TTF2: variants seen among roughly 807,000 people sequenced by gnomAD.
TTF2 encodes the protein transcription termination factor 2.
A neutral mutation model predicts 142.4 loss-of-function variants in TTF2; 108 were observed. The observed-to-expected ratio is 0.76, with a 90% CI of 0.65 to 0.89. The LOEUF (loss-of-function observed/expected upper bound fraction) is 0.89. Among genes scored for constraint, TTF2 ranks in the 40% least tolerant of loss-of-function variants. TTF2 has a pLI of 0.00. For missense variants in TTF2, 1,327 were observed against 1,379.8 expected (o/e 0.96, Z 0.61); for synonymous variants, 483 against 506.2 (o/e 0.95, Z 0.61).
chr1:117,081,799 ACT>A (rs545982621), intron 9 of TTF2, 27 bp from the exon 10 acceptor site: 2 of 1,607,042 alleles, frequency 1.2e-6, no homozygotes, highest in Non-Finnish European at 1.7e-6. Flanking sequence ...TAAGCAATTA[ACT>A]CTCTTAATTT....
rs559163168 is a variant in TTF2 at position 117,066,189 on chromosome 1, G to A, written c.218+3716G>A. On this transcript the variant is annotated intron_variant, in intron 3 of 22. Transcript: ENST00000369466. ...TTTGTTGTGATAGATTTCAATATCC[G>A]TGTTTACCAGAAAGATGGAGAAACT... is the stretch of plus-strand genomic sequence containing the variant. Among the ~76,000 whole-genome samples the A allele has an allele frequency of 2.0e-5, 3 of 151,868 alleles. No individual in the cohort carries two copies. In the East Asian group the frequency reaches 5.8e-4, roughly 29 times the overall value.
rs750527364 is a variant in TTF2, at chr1:117,090,071, C to T, written c.2359C>T (p.Pro787Ser). 84 of 1,613,604 alleles carry T rather than the reference C, an allele frequency of 5.2e-5. No individual in the cohort carries two copies. The highest frequency in any genetic ancestry group is 6.4e-5 in the Non-Finnish European group (75 of 1,179,774). Residue 787 changes from proline to serine, a missense_variant, in exon 14 of 23, where the codon CCA becomes TCA. Physicochemically the swap from Pro to Ser is moderately conservative, Grantham distance 74. Coordinates refer to ENST00000369466, the MANE Select transcript of TTF2 (RefSeq NM_003594.4). The surrounding 1 kb of genome is among the most constrained non-coding windows in gnomAD (Gnocchi z 4.8). ...ACAAAAAAGGTTTCTCCGTTGCTCT[C>T]CATTTGATGAGTTCAATCTGTGGAG... ...YSLLKFLRCS[P>S]FDEFNLWRSQ... is the part of the protein sequence containing the mutation.
rs200698713 is a variant in TTF2 at position 117,088,828 on chromosome 1, G to T, written c.2188G>T (p.Ala730Ser). ...EGTSTPLLRI[A>S]WARIILDEAH... ...CACCTCAACACCTTTGCTTCGAATAGCCTGGGCTCGAATCATATTGGATGA... is the reference window on the plus strand; with the variant it reads ...CACCTCAACACCTTTGCTTCGAATATCCTGGGCTCGAATCATATTGGATGA... Residue 730 changes from alanine (A) to serine (S), a missense_variant, in exon 13 of 23, where the codon GCC becomes TCC. Physicochemically the swap from Ala to Ser is moderately conservative, Grantham distance 99. Coordinates refer to ENST00000369466, the MANE Select transcript of TTF2 (RefSeq NM_003594.4). 77 of 1,613,892 alleles carry T rather than the reference G, an allele frequency of 4.8e-5. No individual in the cohort carries two copies. The highest frequency in any genetic ancestry group is 6.2e-5 in the Non-Finnish European group (73 of 1,179,924).
intron 2 of TTF2, among the ~76,000 whole-genome samples, chr1:117,061,930 G>T (rs1187597758): frequency 3.3e-5 from 5 of 152,166 alleles, no homozygotes; most frequent in Admixed American, 6.5e-5. Flanking sequence ...TAATAAGTTG[G>T]AAGGGAGTGA....
intron 11 of TTF2, 138 bp downstream of exon 11, chr1:117,084,306 C>T: frequency 9.2e-7 from 1 of 1,083,986 alleles, no homozygotes; most frequent in East Asian, 2.6e-5. Context: ...TTAGTCTCGT[C>T]ACCATACAGC....
In TTF2 at chr1:117,080,027, G is replaced by A. The variant is rs1187443947; in HGVS notation, c.1783+378G>A. 1.2e-5 allele frequency among the ~76,000 whole-genome samples: 1 copy of A among 83,112 alleles called. No homozygotes were observed. Among genetic ancestry groups the A allele is most frequent in the Non-Finnish European group, 2.4e-5 (1 of 41,868 alleles). 54.5% of individuals were successfully genotyped at this position (83,112 alleles called of 152,430 possible). A position where few individuals can be genotyped will look rare whatever the true frequency, so the allele number is the denominator to read the frequency against. On this transcript the variant is annotated intron_variant, in intron 9 of 22. Transcript: ENST00000369466. The surrounding 1 kb of genome is among the most constrained non-coding windows in gnomAD (Gnocchi z 4.3). ...CTCCCTCTTTTTTTTTTTTTTTTTT[G>A]AGATGGAGTTTCGCTCTTGTCACCC...
In TTF2 at chr1:117,075,451, G is replaced by A. The variant is rs746563338; in HGVS notation, c.867G>A (p.Glu289=). The A allele has an allele frequency of 6.2e-7, 1 of 1,614,140 alleles. No homozygotes were observed. Among genetic ancestry groups the A allele is most frequent in the Non-Finnish European group, 8.5e-7 (1 of 1,180,004 alleles). ...GPLNKEYTNW[E]AKETKAKDGP... is the part of the protein sequence containing the mutation. ...TCAACAAGGAGTACACGAACTGGGA[G>A]GCTAAAGAAACAAAGGCAAAGGATG... The change falls in exon 5 of 23, where the codon GAG becomes GAA. Residue 289 remains glutamate (E), a synonymous_variant. Coordinates refer to ENST00000369466, the MANE Select transcript of TTF2 (RefSeq NM_003594.4). The surrounding 1 kb of genome is among the most constrained non-coding windows in gnomAD (Gnocchi z 4.5).
In TTF2 at chr1:117,088,890, C is replaced by G. The variant is rs1471083309; in HGVS notation, c.2250C>G (p.Ser750=). The part of the protein sequence containing the change: ...HNVKNPRVQT[S]IAVCKLQACA... ...TTAAGAATCCCCGAGTGCAGACTTC[C>G]ATAGCTGTGTGTAAGCTACAAGCCT... The change falls in exon 13 of 23, where the codon TCC becomes TCG. Residue 750 remains serine, a synonymous_variant. Transcript: ENST00000369466. 6.2e-7 allele frequency: 1 copy of G among 1,614,196 alleles called. No homozygotes were observed. Among genetic ancestry groups the G allele is most frequent in the Non-Finnish European group, 8.5e-7 (1 of 1,180,016 alleles).
rs533228845 is a variant in TTF2 at position 117,084,261 on chromosome 1, C to G, written c.2054+93C>G. On this transcript the variant is annotated intron_variant, in intron 11 of 22. Coordinates refer to ENST00000369466, the MANE Select transcript of TTF2 (RefSeq NM_003594.4). ...TCCCATCCCTGAGATTTCACTTAATCAGGACGCGTATTTGTGAAAGCCAAA... is the reference window on the plus strand; with the variant it reads ...TCCCATCCCTGAGATTTCACTTAATGAGGACGCGTATTTGTGAAAGCCAAA... 3.3e-6 allele frequency: 5 copies of G among 1,501,898 alleles called. No homozygotes were observed. In the South Asian group the frequency reaches 6.0e-5, roughly 18 times the overall value. 93.0% of individuals were successfully genotyped at this position (1,501,898 alleles called of 1,614,324 possible). A position where few individuals can be genotyped will look rare whatever the true frequency, so the allele number is the denominator to read the frequency against.
At position 117,065,003 on chromosome 1, in the gene TTF2, C is replaced by T. The variant is rs545070479; in HGVS notation, c.218+2530C>T. ...TTCCTTTTCCCATTGAAATGCTTGG[C>T]GTCTTTGTAAAAATTCAATTGATCC... On this transcript the variant is annotated intron_variant, in intron 3 of 22. Coordinates refer to ENST00000369466, the MANE Select transcript of TTF2 (RefSeq NM_003594.4). Among the ~76,000 whole-genome samples, 9 of 152,176 alleles carry T rather than the reference C, an allele frequency of 5.9e-5. No homozygotes were observed. The East Asian group carries it at 1.5e-3, about 26-fold the overall frequency.
rs1649810342 is a variant in TTF2 at position 117,104,506 on chromosome 1, A to G, written c.*2982A>G. 2 of 152,210 alleles carry G rather than the reference A, an allele frequency of 1.3e-5. No individual in the cohort carries two copies. Among genetic ancestry groups the G allele is most frequent in the African/African-American group, 4.8e-5 (2 of 41,438 alleles). 9.4% of individuals were successfully genotyped at this position (152,210 alleles called of 1,614,324 possible). A position where few individuals can be genotyped will look rare whatever the true frequency, so the allele number is the denominator to read the frequency against. ...AAATCTTCAGATATTGAGGCCATTG[A>G]CAAGTAATCTACTGTAAGGTAGATG... On this transcript the variant is annotated 3_prime_UTR_variant, in exon 23 of 23. Coordinates refer to ENST00000369466, the MANE Select transcript of TTF2 (RefSeq NM_003594.4).
rs1648064491 is a variant in TTF2, at chr1:117,086,888, A to G, written c.2160+366A>G. Among the ~76,000 whole-genome samples the G allele has an allele frequency of 6.6e-6, 1 of 151,694 alleles. No individual in the cohort carries two copies. The highest frequency in any genetic ancestry group is 2.4e-5 in the African/African-American group (1 of 41,242). On this transcript the variant is annotated intron_variant, in intron 12 of 22. Coordinates refer to ENST00000369466, the MANE Select transcript of TTF2 (RefSeq NM_003594.4). This position sits in a 1 kb window ranked among gnomAD's most constrained non-coding sequence, Gnocchi z 4.2. ...TTTAATATTTATTGTGCAGACTAGT[A>G]TTTTACTACTAGTATTTTGATTTTA...
In TTF2 at chr1:117,100,029, G is replaced by A. The variant is rs941249142; in HGVS notation, c.3344+1122G>A. The stretch of plus-strand genomic sequence containing the variant: ...CAGTCCCTGCTAAATATCTGAATCC[G>A]AGTGTCCACATACTCATCTGTTATT... On this transcript the variant is annotated intron_variant, in intron 22 of 22. Transcript: ENST00000369466. This position sits in a 1 kb window ranked among gnomAD's most constrained non-coding sequence, Gnocchi z 4.6. Among the ~76,000 whole-genome samples the A allele has an allele frequency of 6.6e-6, 1 of 152,174 alleles. No individual in the cohort carries two copies. Among genetic ancestry groups the A allele is most frequent in the African/African-American group, 2.4e-5 (1 of 41,440 alleles).
chr1:117,066,062 C>T (rs984134167), intron 3 of TTF2, among the ~76,000 whole-genome samples: 1 of 134,802 alleles, frequency 7.4e-6, no homozygotes, highest in African/African-American at 3.0e-5. Context: ...GTCTCAATCT[C>T]CTGGGCTCAA....
At position 117,097,689 on chromosome 1, in the gene TTF2, C is replaced by T. The variant is rs546835213; in HGVS notation, c.3269+256C>T. 6.6e-6 allele frequency among the ~76,000 whole-genome samples: 1 copy of T among 152,324 alleles called. No individual in the cohort carries two copies. Among genetic ancestry groups the T allele is most frequent in the African/African-American group, 2.4e-5 (1 of 41,574 alleles). ...GTTATTGTTAGTCTAACATCTGTTT[C>T]CATGGAAACGGGGAGCATAGCTTTT... On this transcript the variant is annotated intron_variant, in intron 21 of 22. Transcript: ENST00000369466. This position sits in a 1 kb window ranked among gnomAD's most constrained non-coding sequence, Gnocchi z 4.1.
At chr1:117,068,406 A>G (rs1177422977) in intron 3 of TTF2, among the ~76,000 whole-genome samples, 2 of 151,736 alleles carry the variant, frequency 1.3e-5, no homozygotes, top group Non-Finnish European at 2.9e-5. Flanking sequence ...GGGTTGGGGG[A>G]GAGGGGAGGG....
At chr1:117,081,994 G>A (rs772740473) in intron 10 of TTF2, 47 bp downstream of exon 10, 42 of 1,612,904 alleles carry the variant, frequency 2.6e-5, no homozygotes, top group South Asian at 3.3e-5. Context: ...CGTCATTTGA[G>A]CCACCCAAGA....
Position 117,087,246 on chromosome 1 carries a change from T to C in TTF2, c.2160+724T>C, listed in dbSNP as rs1161955223. On this transcript the variant is annotated intron_variant, in intron 12 of 22. Transcript: ENST00000369466. This position sits in a 1 kb window ranked among gnomAD's most constrained non-coding sequence, Gnocchi z 4.8. ...TTTCAGATTGCTCACTGGTTTTCCA[T>C]TGCTTTTGGGATAAACCCTAAATTT... 6.6e-6 allele frequency among the ~76,000 whole-genome samples: 1 copy of C among 152,228 alleles called. No individual in the cohort carries two copies. The highest frequency in any genetic ancestry group is 1.5e-5 in the Non-Finnish European group (1 of 68,046).
Position 117,076,302 on chromosome 1 carries a change from G to T in TTF2, c.1390+8G>T. On this transcript the variant is annotated splice_region_variant and intron_variant, in intron 6 of 22. Transcript: ENST00000369466. This position sits in a 1 kb window ranked among gnomAD's most constrained non-coding sequence, Gnocchi z 4.6. The stretch of plus-strand genomic sequence containing the variant: ...CCCTTTCCCCAGAGCAAGGTAAAGT[G>T]GCTTATGCCTCAGAACTCCGGGTTT... The T allele has an allele frequency of 1.2e-6, 2 of 1,608,954 alleles. No homozygotes were observed. The highest frequency in any genetic ancestry group is 1.7e-6 in the Non-Finnish European group (2 of 1,176,868).
Sources: gnomAD v4.1 joint callset for allele counts (sites outside exome capture counted in the v4.1 genomes callset) on GRCh38, gnomAD v4.1.1 for gene constraint, Gnocchi (gnomAD v3.1) non-coding constraint, MANE v1.5 for transcripts, NCBI Gene and HGNC (gene_info 2026-07-23, HGNC 2026-07-21) for gene names.